The following MACROD2 variants were observed in gnomAD, a reference collection of about 807,000 sequenced individuals.
The protein encoded by MACROD2 is mono-ADP ribosylhydrolase 2.
In MACROD2, 36 loss-of-function variants were observed where a neutral mutation model predicts 70.4. The ratio of observed to expected loss-of-function variants is 0.51; its 90% CI spans 0.39 to 0.68. MACROD2 has a LOEUF of 0.68. MACROD2 is among the 30% of genes least tolerant of loss of function. MACROD2 has a pLI of 0.00. For missense variants in MACROD2, 496 were observed against 538.4 expected, an observed-to-expected ratio of 0.92 and a Z score of 0.78; for synonymous variants, 172 against 178.8, an observed-to-expected ratio of 0.96 and a Z score of 0.30.
chr20:14,704,279 GC>G (rs1188708751), intron 5 of MACROD2, among the ~76,000 whole-genome samples: 1 of 151,980 alleles, frequency 6.6e-6, no homozygotes, highest in East Asian at 1.9e-4. Flanking sequence ...CCTGAATATA[GC>G]GTCCATTTGT....
At chr20:15,197,345 C>T (rs2076615057) in intron 5 of MACROD2, among the ~76,000 whole-genome samples, 1 of 151,864 alleles carries the variant, frequency 6.6e-6, no homozygotes. Context: ...TATGTGTTTT[C>T]ATAGTTTTAT....
chr20:16,043,193 A>C (rs1251330672), intron 16 of MACROD2, among the ~76,000 whole-genome samples: 2 of 152,090 alleles, frequency 1.3e-5, no homozygotes, highest in African/African-American at 4.8e-5. Flanking sequence ...TTGTTGGCCT[A>C]GAGAAGCTGG....
chr20:15,388,566 T>C (rs1397940467), intron 6 of MACROD2, among the ~76,000 whole-genome samples: 3 of 152,178 alleles, frequency 2.0e-5, no homozygotes, highest in Non-Finnish European at 4.4e-5. Context: ...AAACATGATC[T>C]ATTATTTATC....
intron 5 of MACROD2, among the ~76,000 whole-genome samples, chr20:15,087,614 T>C (rs1408950322): frequency 6.6e-6 from 1 of 151,986 alleles, no homozygotes; most frequent in South Asian, 2.1e-4. Context: ...AACATAAAAG[T>C]AAAACTTGGA....
chr20:15,788,504 AT>A (rs2051969444), intron 8 of MACROD2, among the ~76,000 whole-genome samples: 1 of 152,194 alleles, frequency 6.6e-6, no homozygotes, highest in Non-Finnish European at 1.5e-5. Flanking sequence ...TCACCAATGT[AT>A]TTGTGTAATT....
chr20:15,068,799 G>T (rs2075597316), intron 5 of MACROD2, among the ~76,000 whole-genome samples: 2 of 152,128 alleles, frequency 1.3e-5, no homozygotes, highest in African/African-American at 4.8e-5. Context: ...AATAAAAAAT[G>T]GACTGACACA....
chr20:14,789,911 A>G (rs944531769), intron 5 of MACROD2, among the ~76,000 whole-genome samples: 3 of 152,136 alleles, frequency 2.0e-5, no homozygotes, highest in Non-Finnish European at 1.5e-5. Context: ...AAATTGAAAG[A>G]AAAAATGTAG....
intron 3 of MACROD2, among the ~76,000 whole-genome samples, chr20:14,169,323 G>A (rs2081198708): frequency 3.9e-5 from 6 of 151,924 alleles, no homozygotes; most frequent in Admixed American, 3.9e-4. Flanking sequence ...GGGGGGCGGT[G>A]GACAGAGTTT....
At chr20:14,860,318 A>T (rs2073300600) in intron 5 of MACROD2, among the ~76,000 whole-genome samples, 1 of 152,164 alleles carries the variant, frequency 6.6e-6, no homozygotes, top group Non-Finnish European at 1.5e-5. Context: ...AAATTTAAGG[A>T]AAAGAATTTA....
intron 3 of MACROD2, among the ~76,000 whole-genome samples, chr20:14,226,320 A>AATGCTGGTGAGAGGTGACAGC (rs2081732998): frequency 6.6e-6 from 1 of 152,080 alleles, no homozygotes; most frequent in Admixed American, 6.5e-5. Flanking sequence ...ATAAGGATTG[A>AATGCTGGTGAGAGGTGACAGC]ATGCTGGTGA....
intron 8 of MACROD2, among the ~76,000 whole-genome samples, chr20:15,804,353 A>G (rs541978367): frequency 6.6e-6 from 1 of 152,356 alleles, no homozygotes; most frequent in South Asian, 2.1e-4. Context: ...TTTTAAAGGC[A>G]CCTAATAGTA....
intron 3 of MACROD2, among the ~76,000 whole-genome samples, chr20:14,487,969 G>T (rs1254001460): frequency 2.0e-5 from 3 of 152,234 alleles, no homozygotes; most frequent in Admixed American, 1.3e-4. Context: ...TGAAATACTG[G>T]AACTAGGTAA....
intron 9 of MACROD2, among the ~76,000 whole-genome samples, chr20:15,873,731 C>T (rs175796): frequency 0.2 from 30,036 of 151,538 alleles, 3,153 homozygotes; most frequent in South Asian, 0.27. Flanking sequence ...GATGAAAGGA[C>T]GAAAAGTCCG....
chr20:15,254,380 C>T (rs2077180889), intron 6 of MACROD2, among the ~76,000 whole-genome samples: 1 of 152,150 alleles, frequency 6.6e-6, no homozygotes, highest in South Asian at 2.1e-4. Context: ...CTTGACACTT[C>T]CACTGCCTTC....
chr20:15,792,424 CAT>C lies in MACROD2; in HGVS notation c.646-70320_646-70319del, dbSNP rs2063632691. Among the ~76,000 whole-genome samples, 6 of 152,068 alleles carry C rather than the reference CAT, an allele frequency of 3.9e-5. No homozygotes were observed. The South Asian group carries it at 1.2e-3, about 32-fold the overall frequency. On this transcript the variant is annotated intron_variant, in intron 8 of 17. Transcript: ENST00000684519. Reference sequence around the variant, plus strand: ...TGAACTAATAAAAATACAGTCTAAACATGTGACAGGTCGAGACTAATTTTCTT... The same window carrying C: ...TGAACTAATAAAAATACAGTCTAAACGTGACAGGTCGAGACTAATTTTCTT...
At chr20:14,828,607 G>T (rs895123135) in intron 5 of MACROD2, among the ~76,000 whole-genome samples, 10 of 151,952 alleles carry the variant, frequency 6.6e-5, no homozygotes, top group African/African-American at 2.4e-4. Flanking sequence ...ATAAATAATT[G>T]TACAAATGCC....
intron 8 of MACROD2, among the ~76,000 whole-genome samples, chr20:15,773,923 G>A (rs762226335): frequency 6.6e-6 from 1 of 152,086 alleles, no homozygotes; most frequent in Non-Finnish European, 1.5e-5. Context: ...CTGCTGTTTT[G>A]TTTTTAATAT....
At chr20:15,391,738 T>A (rs1190710771) in intron 6 of MACROD2, among the ~76,000 whole-genome samples, 2 of 152,214 alleles carry the variant, frequency 1.3e-5, no homozygotes, top group Admixed American at 6.5e-5. Flanking sequence ...TATGTAGAAT[T>A]GTCTGGGTCT....
At chr20:15,497,009 G>A (rs545130124) in intron 7 of MACROD2, among the ~76,000 whole-genome samples, 1 of 152,238 alleles carries the variant, frequency 6.6e-6, no homozygotes, top group Admixed American at 6.5e-5. Flanking sequence ...AAGGGGCGGT[G>A]GAAAATAGTT....
Sources: gnomAD v4.1 joint callset for allele counts (sites outside exome capture counted in the v4.1 genomes callset) on GRCh38, gnomAD v4.1.1 for gene constraint, MANE v1.5 for transcripts, NCBI Gene and HGNC (gene_info 2026-07-23, HGNC 2026-07-21) for gene names.